The following PAPPA2 variants were observed in gnomAD, a reference collection of about 807,000 sequenced individuals.
PAPPA2 encodes pappalysin-2.
In PAPPA2, 86 loss-of-function variants were observed where a neutral mutation model predicts 176.4. The observed-to-expected ratio is 0.49, with a 90% CI of 0.41 to 0.58. The LOEUF (loss-of-function observed/expected upper bound fraction) is 0.58, where lower values mean the gene tolerates loss of function less well. Among genes scored for constraint, PAPPA2 ranks in the 20% least tolerant of loss-of-function variants. The pLI is 0.00. For synonymous variants in PAPPA2, 809 were observed against 852.2 expected (o/e 0.95, Z 0.88); for missense variants, 2,073 against 2,256.9 (o/e 0.92, Z 1.65).
At chr1:176,701,943 T>A (rs993668676) in intron 8 of PAPPA2, among the ~76,000 whole-genome samples, 1 of 152,150 alleles carries the variant, frequency 6.6e-6, no homozygotes, top group Admixed American at 6.5e-5. Context: ...CTAGAGAGAG[T>A]CTGACAAGCT....
At chr1:176,739,544 TAAG>T in intron 12 of PAPPA2, 79 bp from the exon 13 acceptor site, 3 of 1,446,608 alleles carry the variant, frequency 2.1e-6, no homozygotes, top group Admixed American at 2.3e-5. Context: ...GTGAGCTCTC[TAAG>T]AAGAATAAAA....
chr1:176,616,861 G>T lies in PAPPA2; in HGVS notation c.1991+21266G>T, dbSNP rs1655292890. 77 of 504,582 alleles carry T rather than the reference G, an allele frequency of 1.5e-4. No homozygotes were observed. The South Asian group carries it at 1.5e-3, about 10-fold the overall frequency. 31.3% of individuals were successfully genotyped at this position (504,582 alleles called of 1,614,324 possible). A position where few individuals can be genotyped will look rare whatever the true frequency, so the allele number is the denominator to read the frequency against. ...AAATTGAATACAGAAATGATTCAAA[G>T]AAACTGAAGTCGACTTCAATATACT... On this transcript the variant is annotated intron_variant, in intron 3 of 22. Transcript: ENST00000367662.
rs1002856506 is a variant in PAPPA2, at chr1:176,699,301, A to G, written c.2948A>G (p.Asp983Gly). Residue 983 changes from aspartate (D) to glycine (G), a missense_variant, in exon 8 of 23, where the codon GAC becomes GGC. Asp to Gly is a moderately conservative substitution (Grantham distance 94, BLOSUM62 -1). This residue lies in a region of PAPPA2 where 1,196 missense variants were observed against 1,330.4 expected (regional missense o/e 0.90). Coordinates refer to ENST00000367662, the MANE Select transcript of PAPPA2 (RefSeq NM_020318.3). ...ATGGAGTCCTCGCAGGTCCTCTTTG[A>G]CACAGAGATCTTGCTGGAAAACAAG... ...FFMESSQVLF[D>G]TEILLENKES... 4 of 1,613,954 alleles carry G rather than the reference A, an allele frequency of 2.5e-6. No individual in the cohort carries two copies. The highest frequency in any genetic ancestry group is 3.4e-6 in the Non-Finnish European group (4 of 1,180,006).
chr1:176,730,913 T>A (rs1662111052), intron 12 of PAPPA2, among the ~76,000 whole-genome samples: 1 of 152,122 alleles, frequency 6.6e-6, no homozygotes. Context: ...ATAATAACTT[T>A]TATTGTGCCA....
intron 1 of PAPPA2, among the ~76,000 whole-genome samples, chr1:176,535,338 C>G (rs1197933102): frequency 3.3e-5 from 5 of 152,112 alleles, no homozygotes; most frequent in African/African-American, 4.8e-5. Flanking sequence ...ACTGGGAAGC[C>G]CATACCCACC....
Position 176,711,894 on chromosome 1 carries a change from C to T in PAPPA2, c.3711C>T (p.Pro1237=). The change falls in exon 12 of 23, where the codon CCC becomes CCT. Residue 1237 remains proline (P), a synonymous_variant. Transcript: ENST00000367662. ...ACCGTCCCCTAACTGGCTGGTTTCCCTGTGTTGCCAGTGAAAATGAAACTC... is the reference window on the plus strand; with the variant it reads ...ACCGTCCCCTAACTGGCTGGTTTCCTTGTGTTGCCAGTGAAAATGAAACTC... The part of the protein sequence containing the change: ...PNHRPLTGWF[P]CVASENETQD... 6.2e-7 allele frequency: 1 copy of T among 1,613,466 alleles called. No homozygotes were observed.
chr1:176,608,010 G>A (rs1654709314), intron 3 of PAPPA2, among the ~76,000 whole-genome samples: 1 of 152,068 alleles, frequency 6.6e-6, no homozygotes, highest in African/African-American at 2.4e-5. Flanking sequence ...GTGAAACTGG[G>A]GATATCTGAA....
At chr1:176,764,488 G>C (rs915007650) in intron 14 of PAPPA2, among the ~76,000 whole-genome samples, 1 of 152,054 alleles carries the variant, frequency 6.6e-6, no homozygotes, top group African/African-American at 2.4e-5. Flanking sequence ...GATGTTAAAT[G>C]ATGGGTCCAG....
chr1:176,811,666 C>T (rs191071140), intron 21 of PAPPA2, among the ~76,000 whole-genome samples: 5 of 152,256 alleles, frequency 3.3e-5, no homozygotes, highest in Admixed American at 1.3e-4. Context: ...GTCTTCCAGG[C>T]TCACTACCTG....
chr1:176,803,404 A>G lies in PAPPA2; in HGVS notation c.5202+3272A>G, dbSNP rs565899102. Among the ~76,000 whole-genome samples the G allele has an allele frequency of 1.6e-4, 24 of 152,342 alleles. 1 individual carries two copies. In the South Asian group the frequency reaches 5.0e-3, roughly 32 times the overall value. On this transcript the variant is annotated intron_variant, in intron 21 of 22. Coordinates refer to ENST00000367662, the MANE Select transcript of PAPPA2 (RefSeq NM_020318.3). ...AATGCAGGGGCATTGCTGCTGGTGTAGCCCCAATGTAATTAGTTGTAAACT... is the reference window on the plus strand; with the variant it reads ...AATGCAGGGGCATTGCTGCTGGTGTGGCCCCAATGTAATTAGTTGTAAACT...
At chr1:176,495,295 C>T (rs1476305860) in intron 1 of PAPPA2, among the ~76,000 whole-genome samples, 1 of 152,112 alleles carries the variant, frequency 6.6e-6, no homozygotes, top group Non-Finnish European at 1.5e-5. Context: ...AACCCCAGCA[C>T]TTTGGGAGGC....
chr1:176,532,568 CA>C (rs1649871930), intron 1 of PAPPA2, among the ~76,000 whole-genome samples: 2 of 152,206 alleles, frequency 1.3e-5, no homozygotes, highest in South Asian at 2.1e-4. Flanking sequence ...AAATGTGTGC[CA>C]GGGGAAGTCT....
In PAPPA2 at chr1:176,657,706, G is replaced by T. The variant is rs538338517; in HGVS notation, c.1992-13264G>T. 2.0e-5 allele frequency among the ~76,000 whole-genome samples: 3 copies of T among 152,024 alleles called. No individual in the cohort carries two copies. The South Asian group carries it at 6.2e-4, about 31-fold the overall frequency. On this transcript the variant is annotated intron_variant, in intron 3 of 22. Coordinates refer to ENST00000367662, the MANE Select transcript of PAPPA2 (RefSeq NM_020318.3). ...CAGAAAGAATAACAAGTTTGGGTGG[G>T]AATTTTAGGCCTGTGTGATAATCAA...
At chr1:176,566,431 C>T (rs6659102) in intron 2 of PAPPA2, among the ~76,000 whole-genome samples, 23,510 of 152,170 alleles carry the variant, frequency 0.15, 2,077 homozygotes, top group South Asian at 0.27. Flanking sequence ...GTAAAAGATT[C>T]TCTTCCTGGT....
intron 2 of PAPPA2, among the ~76,000 whole-genome samples, chr1:176,565,669 C>G (rs1651928222): frequency 6.6e-6 from 1 of 152,200 alleles, no homozygotes; most frequent in Non-Finnish European, 1.5e-5. Context: ...GCACTCCAGC[C>G]TGGGGGACAG....
chr1:176,832,559 G>T (rs1053484961), intron 21 of PAPPA2, among the ~76,000 whole-genome samples: 12 of 152,180 alleles, frequency 7.9e-5, no homozygotes, highest in Non-Finnish European at 2.9e-5. Flanking sequence ...CTTCATGTTG[G>T]CTAGGCTGGT....
intron 1 of PAPPA2, chr1:176,553,382 G>C (rs1651080179): frequency 6.6e-6 from 1 of 151,394 alleles, no homozygotes; most frequent in Non-Finnish European, 1.5e-5. Context: ...GTATGGGGCT[G>C]TTGAGGGGTG....
intron 1 of PAPPA2, among the ~76,000 whole-genome samples, chr1:176,508,647 A>T (rs554998840): frequency 2.6e-5 from 4 of 152,126 alleles, no homozygotes; most frequent in Non-Finnish European, 5.9e-5. Context: ...CTGTGTTCCC[A>T]CCCAAGTCTC....
intron 3 of PAPPA2, among the ~76,000 whole-genome samples, chr1:176,660,379 A>C (rs1345831111): frequency 6.6e-6 from 1 of 151,632 alleles, no homozygotes; most frequent in East Asian, 1.9e-4. Flanking sequence ...TGTAGATTTT[A>C]CATCAGAAAC....
Sources: allele counts gnomAD v4.1 joint callset (sites outside exome capture counted in the v4.1 genomes callset), GRCh38; gene constraint gnomAD v4.1.1; regional missense constraint gnomAD v4.1.1; transcripts MANE v1.5; gene names NCBI Gene and HGNC (gene_info 2026-07-23, HGNC 2026-07-21).